Variants in HPSE2 observed in about 807,000 individuals in gnomAD.
HPSE2 encodes the protein inactive heparanase-2.
In HPSE2, 38 loss-of-function variants were observed where a neutral mutation model predicts 60.5. That is an observed-to-expected ratio of 0.63 (90% CI 0.48 to 0.82). HPSE2 has a LOEUF of 0.82. HPSE2 is among the 40% of genes least tolerant of loss of function. The pLI, the probability that HPSE2 is intolerant of heterozygous loss-of-function variation, is 0.00. For missense variants in HPSE2, 713 were observed against 740.4 expected, an observed-to-expected ratio of 0.96 and a Z score of 0.43; for synonymous variants, 295 against 293.2, an observed-to-expected ratio of 1.01 and a Z score of -0.06.
rs894073972 is a variant in HPSE2 at position 98,577,826 on chromosome 10, A to G, written c.1320+37078T>C. Among the ~76,000 whole-genome samples, 4 of 152,212 alleles carry G rather than the reference A, an allele frequency of 2.6e-5. No individual in the cohort carries two copies. The East Asian group carries it at 7.7e-4, about 29-fold the overall frequency. On this transcript the variant is annotated intron_variant, in intron 9 of 11. Coordinates refer to ENST00000370552, the MANE Select transcript of HPSE2 (RefSeq NM_021828.5). ...CTCACTGACATTGACAATAAAGTTT[A>G]TAAGTCCTGCATTGGACTTGGCTCT...
intron 3 of HPSE2, among the ~76,000 whole-genome samples, chr10:98,811,949 A>T (rs1951177713): frequency 6.6e-6 from 1 of 152,104 alleles, no homozygotes; most frequent in South Asian, 2.1e-4. Context: ...CTATATTTTA[A>T]AGTCTCAATT....
chr10:98,983,540 G>A (rs879465415), intron 3 of HPSE2, among the ~76,000 whole-genome samples: 2 of 152,204 alleles, frequency 1.3e-5, no homozygotes, highest in African/African-American at 2.4e-5. Context: ...CATCATTTGC[G>A]ATCTCAAGCA....
intron 9 of HPSE2, among the ~76,000 whole-genome samples, chr10:98,533,037 G>A (rs1358981234): frequency 6.6e-6 from 1 of 152,120 alleles, no homozygotes; most frequent in Non-Finnish European, 1.5e-5. Context: ...GTGTCTTCTT[G>A]GAGCCTCAAT....
At chr10:98,491,789 C>T (rs563736735) in intron 9 of HPSE2, among the ~76,000 whole-genome samples, 1 of 152,222 alleles carries the variant, frequency 6.6e-6, no homozygotes, top group East Asian at 1.9e-4. Context: ...GGCTGTACAA[C>T]GCTTTCCTTC....
chr10:99,250,111 C>A, the HPSE2 span, among the ~76,000 whole-genome samples: 1 of 146,318 alleles, frequency 6.8e-6, no homozygotes, highest in Non-Finnish European at 1.5e-5. Flanking sequence ...CCACTGCACT[C>A]TAGCCTGGGC....
chr10:98,667,667 A>C (rs1166818693), intron 6 of HPSE2, among the ~76,000 whole-genome samples: 1 of 152,188 alleles, frequency 6.6e-6, no homozygotes, highest in East Asian at 1.9e-4. Context: ...ACAGAATCAA[A>C]AACAAAAACC....
intron 3 of HPSE2, among the ~76,000 whole-genome samples, chr10:98,827,484 G>A (rs1179631340): frequency 6.6e-6 from 1 of 152,096 alleles, no homozygotes; most frequent in Non-Finnish European, 1.5e-5. Context: ...GGGATTACAG[G>A]TTTGAGCCAC....
intron 10 of HPSE2, among the ~76,000 whole-genome samples, chr10:98,487,475 T>G (rs1159090361): frequency 2.6e-5 from 4 of 152,202 alleles, no homozygotes; most frequent in Non-Finnish European, 4.4e-5. Context: ...AAGGGCTCTT[T>G]CCAAATGTAA....
intron 6 of HPSE2, among the ~76,000 whole-genome samples, chr10:98,667,039 G>GA (rs55974722): frequency 0.76 from 114,826 of 150,360 alleles, 45,199 homozygotes; most frequent in East Asian, 0.97. Flanking sequence ...ATTAACAAAG[G>GA]AAAAAAAAAG....
chr10:98,490,103 G>A lies in HPSE2; in HGVS notation c.1414C>T (p.Arg472Ter), dbSNP rs267606864. 1.8e-5 allele frequency: 29 copies of A among 1,614,074 alleles called. No homozygotes were observed. Among genetic ancestry groups the A allele is most frequent in the African/African-American group, 2.7e-5 (2 of 74,916 alleles). ...ATCCTTAGTTTGTCCCGGATCACTC[G>A]GCCAGGCCGTGGCTTCCGCTGGAGC... ...AGLQRKPRPG[R>*]VIRDKLRIYA... The change falls in exon 10 of 12, where the codon CGA (arginine) becomes TGA (stop). Residue 472 changes from arginine (R) to a stop codon, truncating the protein, a stop_gained. Transcript: ENST00000370552. LOFTEE classifies it high-confidence loss of function.
At chr10:99,269,870 T>G in the HPSE2 span, among the ~76,000 whole-genome samples, 5 of 152,208 alleles carry the variant, frequency 3.3e-5, no homozygotes, top group Non-Finnish European at 7.3e-5. Context: ...AACCTGCTCC[T>G]AAACGATCAT....
chr10:98,924,001 T>C (rs1954369499), intron 3 of HPSE2, among the ~76,000 whole-genome samples: 1 of 152,148 alleles, frequency 6.6e-6, no homozygotes, highest in Admixed American at 6.5e-5. Context: ...GAGTTATGTA[T>C]TTATTGTGGT....
chr10:98,998,435 C>T (rs538000831), intron 3 of HPSE2, among the ~76,000 whole-genome samples: 106 of 152,270 alleles, frequency 7.0e-4, no homozygotes, highest in Non-Finnish European at 1.1e-3. Flanking sequence ...AAGAAGACCA[C>T]GGATTTCTTC....
intron 3 of HPSE2, among the ~76,000 whole-genome samples, chr10:98,996,936 A>G (rs1269940847): frequency 6.6e-6 from 1 of 152,186 alleles, no homozygotes; most frequent in East Asian, 1.9e-4. Flanking sequence ...CTGGGTGCTG[A>G]TAGTGTTGGG....
chr10:98,921,762 A>G (rs1307151182), intron 3 of HPSE2, among the ~76,000 whole-genome samples: 4 of 152,198 alleles, frequency 2.6e-5, no homozygotes, highest in African/African-American at 7.2e-5. Flanking sequence ...TCTGAAATCA[A>G]TGCAGTCACA....
intron 3 of HPSE2, among the ~76,000 whole-genome samples, chr10:99,107,231 T>G (rs1844283904): frequency 6.6e-6 from 1 of 152,200 alleles, no homozygotes; most frequent in African/African-American, 2.4e-5. Context: ...TCCTTTTCTC[T>G]GATATTAATC....
intron 6 of HPSE2, among the ~76,000 whole-genome samples, chr10:98,688,962 T>C (rs1171794278): frequency 2.0e-5 from 3 of 152,150 alleles, no homozygotes; most frequent in Non-Finnish European, 2.9e-5. Flanking sequence ...TGATGTCAAA[T>C]AAGTCATCCT....
intron 3 of HPSE2, among the ~76,000 whole-genome samples, chr10:99,032,744 A>G (rs1401323006): frequency 6.6e-6 from 1 of 152,196 alleles, no homozygotes; most frequent in African/African-American, 2.4e-5. Flanking sequence ...GCTCTAAGGG[A>G]GAGTCTATTT....
chr10:98,524,704 A>C (rs1449770283), intron 9 of HPSE2, among the ~76,000 whole-genome samples: 1 of 152,224 alleles, frequency 6.6e-6, no homozygotes, highest in African/African-American at 2.4e-5. Context: ...AGAAGGGTTG[A>C]GTTAGTTTTG....
Sources: allele counts gnomAD v4.1 joint callset (sites outside exome capture counted in the v4.1 genomes callset), GRCh38; gene constraint gnomAD v4.1.1; transcripts MANE v1.5; gene names NCBI Gene and HGNC (gene_info 2026-07-23, HGNC 2026-07-21).